TRAP1: variants seen among roughly 807,000 people sequenced by gnomAD.
TRAP1 encodes heat shock protein 75 kDa, mitochondrial.
In TRAP1, 102 loss-of-function variants were observed where a neutral mutation model predicts 89.1. That is an observed-to-expected ratio of 1.15 (90% CI 0.98 to 1.35). TRAP1 has a LOEUF of 1.35. Ranked by LOEUF, TRAP1 falls within the 40% of genes most tolerant of loss-of-function variation. The probability of loss-of-function intolerance (pLI) is 0.00; values close to 1 mark genes in which losing one functional copy is unlikely to be tolerated. For synonymous variants in TRAP1, 508 were observed against 388.0 expected (o/e 1.31, Z -3.64); for missense variants, 1,256 against 945.3 (o/e 1.33, Z -4.31).
chr16:3,679,854 G>A lies in TRAP1; in HGVS notation c.472-64C>T. The A allele has an allele frequency of 2.0e-6, 3 of 1,526,922 alleles. No individual in the cohort carries two copies. In the Admixed American group the frequency reaches 5.1e-5, roughly 26 times the overall value. The allele number at this position is 1,526,922 out of a possible 1,614,324, so 94.6% of individuals were successfully genotyped here. A position where few individuals can be genotyped will look rare whatever the true frequency, so the allele number is the denominator to read the frequency against. On this transcript the variant is annotated intron_variant, in intron 4 of 17. Coordinates refer to ENST00000246957, the MANE Select transcript of TRAP1 (RefSeq NM_016292.3). The stretch of plus-strand genomic sequence containing the variant: ...CCTGGGGAGCCGGGTGAGTGCACCA[G>A]CAGTCCCAGGGACTCAAGTGGTGTC...
chr16:3,667,925 ATTTTTTT>A (rs58782531), intron 11 of TRAP1, among the ~76,000 whole-genome samples: 2 of 65,544 alleles, frequency 3.1e-5, no homozygotes, highest in East Asian at 5.2e-4. Context: ...TACCCGGCTG[ATTTTTTT>A]TTTTTTTTTT....
chr16:3,662,383 C>T (rs1030958067), intron 15 of TRAP1: 5 of 584,062 alleles, frequency 8.6e-6, no homozygotes, highest in African/African-American at 3.7e-5. Context: ...AGGAGCTGCC[C>T]GAATCCATCG....
chr16:3,710,361 G>C (rs927104728), intron 1 of TRAP1: 5 of 152,228 alleles, frequency 3.3e-5, no homozygotes, highest in Admixed American at 3.3e-4. Context: ...CACAGTAAGA[G>C]AGGCCAAAAA....
rs550667070 is a variant in TRAP1, at chr16:3,691,126, G to A, written c.89-141C>T. Reference sequence around the variant, plus strand: ...CTGTTGCTGAAAGAGAAATCCACAGGACCAAATGCCACAGTGTCAGGGTGT... The same window carrying A: ...CTGTTGCTGAAAGAGAAATCCACAGAACCAAATGCCACAGTGTCAGGGTGT... On this transcript the variant is annotated intron_variant, in intron 1 of 17. Coordinates refer to ENST00000246957, the MANE Select transcript of TRAP1 (RefSeq NM_016292.3). 47 of 711,776 alleles carry A rather than the reference G, an allele frequency of 6.6e-5. No homozygotes were observed. In the African/African-American group the frequency reaches 8.3e-4, roughly 13 times the overall value. The allele number at this position is 711,776 out of a possible 1,614,324, so 44.1% of individuals were successfully genotyped here.
Position 3,686,063 on chromosome 16 carries a change from C to G in TRAP1, c.404G>C (p.Gly135Ala), listed in dbSNP as rs766312839. 1.2e-6 allele frequency: 2 copies of G among 1,614,118 alleles called. No homozygotes were observed. Among genetic ancestry groups the G allele is most frequent in the South Asian group, 2.2e-5 (2 of 91,076 alleles). Residue 135 changes from glycine (G) to alanine (A), a missense_variant, in exon 4 of 18, where the codon GGC becomes GCC. Coordinates refer to ENST00000246957, the MANE Select transcript of TRAP1 (RefSeq NM_016292.3). ...AATCTCCATTTCTGGCAGTGCTTGGCCGTCAGACACCAGTTTGTGACGCAG... is the reference window on the plus strand; with the variant it reads ...AATCTCCATTTCTGGCAGTGCTTGGGCGTCAGACACCAGTTTGTGACGCAG... ...EKLRHKLVSDGQALPEMEIHL... is the reference protein window; with the variant it reads ...EKLRHKLVSDAQALPEMEIHL...
rs1053655086 is a variant in TRAP1, at chr16:3,662,073, G to A, written c.1854C>T (p.Ala618=). Residue 618 remains alanine (A), a synonymous_variant, in exon 16 of 18, where the codon GCC becomes GCT. Transcript: ENST00000246957. ...AMVTVLEMGA[A]RHFLRMQQLA... ...GCTGCTGCATGCGCAGGAAGTGGCG[G>A]GCAGCCCCCATCTCCAGCACGGTGA... 6 of 1,613,218 alleles carry A rather than the reference G, an allele frequency of 3.7e-6. No individual in the cohort carries two copies. The highest frequency in any genetic ancestry group is 2.2e-5 in the South Asian group (2 of 91,084).
At chr16:3,673,014 T>G (rs2050936431) in intron 9 of TRAP1, among the ~76,000 whole-genome samples, 194 bp from the exon 10 acceptor site, 1 of 152,096 alleles carries the variant, frequency 6.6e-6, no homozygotes. Flanking sequence ...GCTGAAGGCC[T>G]TCTCTGGCAG....
At chr16:3,708,427 A>G (rs1246245272) in intron 1 of TRAP1, among the ~76,000 whole-genome samples, 4 of 152,040 alleles carry the variant, frequency 2.6e-5, no homozygotes, top group South Asian at 2.1e-4. Flanking sequence ...TCATGAGGTC[A>G]GGAGTTCAAG....
rs183187481 is a variant in TRAP1, at chr16:3,700,755, C to T, written c.89-9770G>A. ...TGGTGGGATTACAGAAGTGAGCCAC[C>T]GCACCTGGCCAAGGGTGCATATTTC... On this transcript the variant is annotated intron_variant, in intron 1 of 17. Transcript: ENST00000246957. 3.6e-3 allele frequency among the ~76,000 whole-genome samples: 555 copies of T among 152,138 alleles called. 2 individuals are homozygous for T. Among genetic ancestry groups the T allele is most frequent in the Non-Finnish European group, 5.8e-3 (395 of 67,998 alleles).
chr16:3,695,031 G>T (rs1468745275), intron 1 of TRAP1, among the ~76,000 whole-genome samples: 2 of 151,800 alleles, frequency 1.3e-5, no homozygotes, highest in Admixed American at 6.6e-5. Context: ...TTCCCTTCAG[G>T]ACGTCTGCCC....
At chr16:3,684,850 T>G (rs2051117981) in intron 4 of TRAP1, among the ~76,000 whole-genome samples, 1 of 152,084 alleles carries the variant, frequency 6.6e-6, no homozygotes, top group South Asian at 2.1e-4. Context: ...CTATTGAGAA[T>G]AGAAAAACTG....
At position 3,706,001 on chromosome 16, in the gene TRAP1, CTTTTTTTTT is replaced by C. The variant is rs35811682; in HGVS notation, c.88+11411_88+11419del. On this transcript the variant is annotated intron_variant, in intron 1 of 17. Coordinates refer to ENST00000246957, the MANE Select transcript of TRAP1 (RefSeq NM_016292.3). ...AGCCACCAGTCCCGGCCCTTTTTTT[CTTTTTTTTT>C]TTTTGAGACGGAGTCTCACTCTGCA... Among the ~76,000 whole-genome samples, 4 of 141,894 alleles carry C rather than the reference CTTTTTTTTT, an allele frequency of 2.8e-5. No individual in the cohort carries two copies. In the East Asian group the frequency reaches 8.3e-4, roughly 29 times the overall value. 93.1% of individuals were successfully genotyped at this position (141,894 alleles called of 152,430 possible).
intron 1 of TRAP1, among the ~76,000 whole-genome samples, chr16:3,710,868 TA>T (rs2051519459): frequency 1.8e-5 from 2 of 111,992 alleles, no homozygotes; most frequent in Non-Finnish European, 3.4e-5. Context: ...TATATATATA[TA>T]TATATATATA....
chr16:3,711,580 C>T (rs1596760073), intron 1 of TRAP1, among the ~76,000 whole-genome samples: 2 of 150,648 alleles, frequency 1.3e-5, no homozygotes, highest in East Asian at 3.9e-4. Flanking sequence ...GCCTGGGAAA[C>T]AGAGCAAGAC....
chr16:3,695,868 T>C (rs546546491), intron 1 of TRAP1, among the ~76,000 whole-genome samples: 120 of 152,228 alleles, frequency 7.9e-4, no homozygotes, highest in Non-Finnish European at 1.4e-3. Flanking sequence ...GTCCTCACAG[T>C]TGAAGAAAAG....
chr16:3,670,123 C>T (rs2050891731), intron 11 of TRAP1, among the ~76,000 whole-genome samples: 1 of 151,938 alleles, frequency 6.6e-6, no homozygotes, highest in Non-Finnish European at 1.5e-5. Context: ...TGGCTCAAAC[C>T]CGTAATCCCA....
intron 13 of TRAP1, 30 bp downstream of exon 13, chr16:3,664,244 C>T (rs556749922): frequency 3.9e-6 from 6 of 1,523,842 alleles, no homozygotes; most frequent in African/African-American, 1.4e-5. Context: ...TTGCAGCCCC[C>T]GGAGCCCGCC....
chr16:3,673,415 G>T (rs1263078204), intron 9 of TRAP1, among the ~76,000 whole-genome samples: 1 of 152,158 alleles, frequency 6.6e-6, no homozygotes, highest in East Asian at 1.9e-4. Context: ...CTCGTGGAAC[G>T]TGCCTGCCAA....
chr16:3,717,220 G>A (rs1436777428), intron 1 of TRAP1, among the ~76,000 whole-genome samples: 1 of 152,214 alleles, frequency 6.6e-6, no homozygotes, highest in African/African-American at 2.4e-5. Context: ...GTGGCGAGGG[G>A]AGTCCAGCCG....
Sources: gnomAD v4.1 joint callset for allele counts (sites outside exome capture counted in the v4.1 genomes callset) on GRCh38, gnomAD v4.1.1 for gene constraint, MANE v1.5 for transcripts, NCBI Gene and HGNC (gene_info 2026-07-23, HGNC 2026-07-21) for gene names.